Variants in CWF19L2 observed in about 807,000 individuals in gnomAD.
CWF19L2 encodes the protein CWF19 like cell cycle control factor 2, also known as CWF19-like protein 2.
A neutral mutation model predicts 111.7 loss-of-function variants in CWF19L2; 98 were observed. The ratio of observed to expected loss-of-function variants is 0.88; its 90% CI spans 0.75 to 1.04. The LOEUF is 1.04. Ranked by LOEUF, CWF19L2 falls within the 50% of genes least tolerant of loss-of-function variation. CWF19L2 has a pLI of 0.00. For synonymous variants in CWF19L2, 351 were observed against 342.9 expected (o/e 1.02, Z -0.26); for missense variants, 1,101 against 1,051.4 (o/e 1.05, Z -0.65).
chr11:107,412,712 A>G (rs1861175119), intron 10 of CWF19L2, among the ~76,000 whole-genome samples: 1 of 152,224 alleles, frequency 6.6e-6, no homozygotes, highest in Admixed American at 6.5e-5. Flanking sequence ...TTTTATTCAT[A>G]ACTGCAAAAA....
intron 12 of CWF19L2, among the ~76,000 whole-genome samples, chr11:107,381,908 T>A (rs1860692371): frequency 1.3e-5 from 2 of 152,154 alleles, no homozygotes; most frequent in Non-Finnish European, 2.9e-5. Flanking sequence ...TTTTAATAAC[T>A]TAAGGTAAAA....
At chr11:107,403,498 C>T in intron 10 of CWF19L2, 1 of 843,294 alleles carries the variant, frequency 1.2e-6, no homozygotes. Flanking sequence ...TGGTTCCTTC[C>T]TCTGCCATAC....
chr11:107,352,770 G>C (rs984739042), intron 13 of CWF19L2, among the ~76,000 whole-genome samples: 1 of 152,030 alleles, frequency 6.6e-6, no homozygotes, highest in African/African-American at 2.4e-5. Context: ...ACAACCTAAA[G>C]ATATTAAAGA....
At chr11:107,409,986 C>A (rs777597221) in intron 10 of CWF19L2, among the ~76,000 whole-genome samples, 1 of 151,896 alleles carries the variant, frequency 6.6e-6, no homozygotes, top group African/African-American at 2.4e-5. Context: ...AATAGTTCAC[C>A]CTCTAAAGAA....
intron 11 of CWF19L2, among the ~76,000 whole-genome samples, chr11:107,391,592 G>T (rs996947443): frequency 4.6e-5 from 7 of 152,170 alleles, no homozygotes; most frequent in Admixed American, 2.0e-4. Flanking sequence ...TTCAGTCCCA[G>T]ATTTTCCTAT....
At chr11:107,420,464 C>T (rs1861287693) in intron 8 of CWF19L2, among the ~76,000 whole-genome samples, 2 of 152,090 alleles carry the variant, frequency 1.3e-5, no homozygotes, top group Middle Eastern at 6.8e-3. Context: ...CCAGCAAGAG[C>T]GTTTGAATAC....
At position 107,335,084 on chromosome 11, in the gene CWF19L2, G is replaced by C. The variant is rs1451186537; in HGVS notation, c.2359-123C>G. The C allele has an allele frequency of 1.3e-5, 8 of 617,744 alleles. No individual in the cohort carries two copies. The East Asian group carries it at 2.2e-4, about 17-fold the overall frequency. 38.3% of individuals were successfully genotyped at this position (617,744 alleles called of 1,614,324 possible). The stretch of plus-strand genomic sequence containing the variant: ...ATTATACATAGTAAGCCATTATTCT[G>C]AACTGATTAAGGCTTTTAGTTATTT... On this transcript the variant is annotated intron_variant, in intron 15 of 17. Coordinates refer to ENST00000282251, the MANE Select transcript of CWF19L2 (RefSeq NM_152434.3).
intron 12 of CWF19L2, among the ~76,000 whole-genome samples, chr11:107,362,479 A>G (rs1055150960): frequency 6.6e-5 from 10 of 152,074 alleles, no homozygotes; most frequent in Admixed American, 2.6e-4. Context: ...GGAGATCTGA[A>G]TACGGGCAGA....
intron 12 of CWF19L2, among the ~76,000 whole-genome samples, chr11:107,360,881 G>A (rs1218734562): frequency 6.6e-6 from 1 of 152,128 alleles, no homozygotes; most frequent in African/African-American, 2.4e-5. Context: ...TTGGATATTA[G>A]ACCCTTGACA....
intron 12 of CWF19L2, among the ~76,000 whole-genome samples, chr11:107,364,582 A>G (rs1360532780): frequency 2.2e-4 from 31 of 140,660 alleles, no homozygotes; most frequent in Admixed American, 1.8e-3. Flanking sequence ...TACTGGGTAC[A>G]TAACGAAATG....
intron 12 of CWF19L2, among the ~76,000 whole-genome samples, chr11:107,375,837 G>C (rs1860590448): frequency 1.8e-5 from 1 of 55,390 alleles, no homozygotes; most frequent in African/African-American, 1.4e-4. Context: ...CCAGGAGCTG[G>C]TTTTTTGAAA....
chr11:107,348,912 G>T, intron 14 of CWF19L2, 25 bp downstream of exon 14: 1 of 1,343,312 alleles, frequency 7.4e-7, no homozygotes, highest in Non-Finnish European at 1.0e-6. Context: ...GTTTTAAAAT[G>T]ATAATGAACA....
intron 10 of CWF19L2, among the ~76,000 whole-genome samples, chr11:107,404,930 ATAT>A (rs1429270321): frequency 6.6e-6 from 1 of 152,250 alleles, no homozygotes; most frequent in Admixed American, 6.5e-5. Flanking sequence ...CAAGACAGAA[ATAT>A]TGAGGAGCTC....
chr11:107,396,843 G>A (rs1029089955), intron 10 of CWF19L2, among the ~76,000 whole-genome samples: 5 of 152,196 alleles, frequency 3.3e-5, no homozygotes, highest in Non-Finnish European at 7.3e-5. Flanking sequence ...CCCAAATACT[G>A]TGAGTCCCCC....
intron 12 of CWF19L2, among the ~76,000 whole-genome samples, chr11:107,382,899 T>C (rs893023874): frequency 1.3e-5 from 2 of 152,118 alleles, no homozygotes; most frequent in African/African-American, 2.4e-5. Flanking sequence ...CCCTATGCAA[T>C]GGGGGAAGGA....
At chr11:107,335,290 C>T (rs1005322660) in intron 15 of CWF19L2, among the ~76,000 whole-genome samples, 3 of 152,218 alleles carry the variant, frequency 2.0e-5, no homozygotes, top group Admixed American at 6.5e-5. Context: ...GCACTGCATT[C>T]ATAGAGATTA....
chr11:107,374,333 T>G lies in CWF19L2; in HGVS notation c.1872+15741A>C, dbSNP rs1448878566. Reference sequence around the variant, plus strand: ...CACATAATTGTCAGATTCACCAAAGTTGAAATGAAGGAAAAAATGTTAAGG... The same window carrying G: ...CACATAATTGTCAGATTCACCAAAGGTGAAATGAAGGAAAAAATGTTAAGG... On this transcript the variant is annotated intron_variant, in intron 12 of 17. Transcript: ENST00000282251. 6.3e-5 allele frequency among the ~76,000 whole-genome samples: 8 copies of G among 127,686 alleles called. 3 individuals are homozygous for G. The highest frequency in any genetic ancestry group is 2.7e-4 in the African/African-American group (8 of 29,920). The allele number at this position is 127,686 out of a possible 152,430, so 83.8% of individuals were successfully genotyped here.
In CWF19L2 at chr11:107,353,577, A is replaced by T; in HGVS notation, c.2032T>A (p.Cys678Ser). The T allele has an allele frequency of 6.2e-7, 1 of 1,613,810 alleles. No individual in the cohort carries two copies. The highest frequency in any genetic ancestry group is 1.1e-5 in the South Asian group (1 of 91,076). Residue 678 changes from cysteine (C) to serine (S), a missense_variant, in exon 13 of 18, where the codon TGT becomes AGT. By Grantham distance (112) the Cys-to-Ser change is moderately radical. Transcript: ENST00000282251. ...TTGGGAAATTGAGAGCTGTCAAAAC[A>T]ATACAGACATTTTTCCATTTGTGCA... The part of the protein sequence containing the change: ...LAAQMEKCLY[C>S]FDSSQFPKHL...
intron 9 of CWF19L2, among the ~76,000 whole-genome samples, chr11:107,417,053 C>A (rs1349568903): frequency 6.6e-6 from 1 of 152,186 alleles, no homozygotes; most frequent in Non-Finnish European, 1.5e-5. Flanking sequence ...GCAGCATATG[C>A]AAGATATGCC....
Sources: gnomAD v4.1 joint callset for allele counts (sites outside exome capture counted in the v4.1 genomes callset) on GRCh38, gnomAD v4.1.1 for gene constraint, MANE v1.5 for transcripts, NCBI Gene and HGNC (gene_info 2026-07-23, HGNC 2026-07-21) for gene names.